Variants in RASGRF1 observed in about 807,000 individuals in gnomAD.
RASGRF1 encodes the protein Ras protein specific guanine nucleotide releasing factor 1, also known as ras-specific guanine nucleotide-releasing factor 1.
In RASGRF1, 40 loss-of-function variants were observed where a neutral mutation model predicts 138.7. The observed-to-expected ratio is 0.29, with a 90% CI of 0.22 to 0.38. RASGRF1 has a LOEUF of 0.38. RASGRF1 is among the 10% of genes least tolerant of loss of function. The pLI, the probability that RASGRF1 is intolerant of heterozygous loss-of-function variation, is 1.00. For synonymous variants in RASGRF1, 614 were observed against 663.2 expected (o/e 0.93, Z 1.14); for missense variants, 1,108 against 1,650.4 (o/e 0.67, Z 5.69).
At chr15:79,051,836 A>G (rs2057435545) in intron 3 of RASGRF1, among the ~76,000 whole-genome samples, 1 of 152,198 alleles carries the variant, frequency 6.6e-6, no homozygotes, top group South Asian at 2.1e-4. Flanking sequence ...GGGGACTGCA[A>G]AAGTCTTGAA....
intron 1 of RASGRF1, among the ~76,000 whole-genome samples, chr15:79,087,582 G>A (rs1457310768): frequency 1.3e-5 from 2 of 152,194 alleles, no homozygotes; most frequent in Admixed American, 1.3e-4. Flanking sequence ...CCAGCAGATT[G>A]AGCCAAAGCT....
Position 79,031,514 on chromosome 15 carries a change from G to C in RASGRF1, c.1153-5C>G. 6.2e-7 allele frequency: 1 copy of C among 1,601,572 alleles called. No individual in the cohort carries two copies. Among genetic ancestry groups the C allele is most frequent in the South Asian group, 1.1e-5 (1 of 90,110 alleles). On this transcript the variant is annotated splice_region_variant and splice_polypyrimidine_tract_variant and intron_variant, in intron 7 of 26. Coordinates refer to ENST00000558480, the MANE Select transcript of RASGRF1 (RefSeq NM_001145648.3). ...GGTCAGGATGTACCTGGGGATCTGC[G>C]GGCAGGTGGGAGAGGTGAGGGTGGA...
In RASGRF1 at chr15:79,046,964, C is replaced by T; in HGVS notation, c.660G>A (p.Arg220=). The T allele has an allele frequency of 6.2e-7, 1 of 1,613,642 alleles. No individual in the cohort carries two copies. The highest frequency in any genetic ancestry group is 8.5e-7 in the Non-Finnish European group (1 of 1,179,874). Residue 220 remains arginine, a synonymous_variant, in exon 5 of 27, where the codon CGG becomes CGA. Transcript: ENST00000558480. This position sits in a 1 kb window ranked among gnomAD's most constrained non-coding sequence, Gnocchi z 5.3. ...QSFLRGWLCR[R]KWKTIIQDYI... Reference sequence around the variant, plus strand: ...AGTCCTGGATGATGGTCTTCCACTTCCGCCGGCACAGCCAGCCCCGCAGGA... The same window carrying T: ...AGTCCTGGATGATGGTCTTCCACTTTCGCCGGCACAGCCAGCCCCGCAGGA...
At chr15:79,038,982 T>C (rs575052658) in intron 5 of RASGRF1, among the ~76,000 whole-genome samples, 1 of 152,280 alleles carries the variant, frequency 6.6e-6, no homozygotes, top group East Asian at 1.9e-4. Context: ...GATTAACCAA[T>C]TAATCAAATA....
At chr15:78,969,575 A>C (rs575231037) in intron 26 of RASGRF1, among the ~76,000 whole-genome samples, 14 of 152,290 alleles carry the variant, frequency 9.2e-5, no homozygotes, top group African/African-American at 2.9e-4. Context: ...AGGCTGAGGC[A>C]GGAGAATTGC....
chr15:79,035,711 A>G (rs931715088), intron 5 of RASGRF1, among the ~76,000 whole-genome samples: 1 of 152,204 alleles, frequency 6.6e-6, no homozygotes, highest in Admixed American at 6.5e-5. Flanking sequence ...CGGCTGTGAG[A>G]CCATGAATAA....
intron 10 of RASGRF1, among the ~76,000 whole-genome samples, chr15:79,024,064 CACACACATAT>C (rs1395394880): frequency 1.3e-5 from 2 of 150,990 alleles, no homozygotes; most frequent in Admixed American, 1.3e-4. Flanking sequence ...CATACACATA[CACACACATAT>C]ACACACCACA....
At position 79,031,483 on chromosome 15, in the gene RASGRF1, A is replaced by G. The variant is rs2057135700; in HGVS notation, c.1179T>C (p.His393=). 6.2e-7 allele frequency: 1 copy of G among 1,609,814 alleles called. No individual in the cohort carries two copies. Among genetic ancestry groups the G allele is most frequent in the South Asian group, 1.1e-5 (1 of 90,318 alleles). Residue 393 remains histidine (H), a synonymous_variant, in exon 8 of 27, where the codon CAT becomes CAC. Transcript: ENST00000558480. ...FQIPRYILTL[H]ELLAHTPHEH... Reference sequence around the variant, plus strand: ...CATGAGGCGTGTGGGCCAGGAGCTCATGGAGGGTCAGGATGTACCTGGGGA... The same window carrying G: ...CATGAGGCGTGTGGGCCAGGAGCTCGTGGAGGGTCAGGATGTACCTGGGGA...
In RASGRF1 at chr15:79,035,150, G is replaced by C; in HGVS notation, c.939C>G (p.Ser313Arg). 6.2e-7 allele frequency: 1 copy of C among 1,613,626 alleles called. No individual in the cohort carries two copies. The highest frequency in any genetic ancestry group is 1.1e-5 in the South Asian group (1 of 90,986). The change falls in exon 6 of 27, where the codon AGC becomes AGG. Residue 313 changes from serine to arginine, a missense_variant. By Grantham distance (110) the Ser-to-Arg change is moderately radical (BLOSUM62 -1). This residue lies in a region of RASGRF1 where 169 missense variants were observed against 344.2 expected (regional missense o/e 0.49). Coordinates refer to ENST00000558480, the MANE Select transcript of RASGRF1 (RefSeq NM_001145648.3). ...FYQGLKARIS[S>R]WPTLVLADLF... ...ACTCACCCAGGACCAGCGTGGGCCAGCTGGAGATGCGGGCCTTCAGGCCTT... is the reference window on the plus strand; with the variant it reads ...ACTCACCCAGGACCAGCGTGGGCCACCTGGAGATGCGGGCCTTCAGGCCTT...
At chr15:79,010,033 T>A (rs1273558551) in intron 13 of RASGRF1, among the ~76,000 whole-genome samples, 3 of 130,258 alleles carry the variant, frequency 2.3e-5, no homozygotes, top group African/African-American at 8.7e-5. Flanking sequence ...TCTTTGTTTG[T>A]TTTTTTTTTT....
intron 5 of RASGRF1, among the ~76,000 whole-genome samples, chr15:79,037,398 T>C (rs2057237011): frequency 1.3e-5 from 2 of 151,964 alleles, no homozygotes; most frequent in South Asian, 4.1e-4. Flanking sequence ...GGTGGGGAGA[T>C]GGTTTCAGGA....
intron 3 of RASGRF1, 43 bp downstream of exon 3, chr15:79,058,291 T>A: frequency 1.3e-6 from 2 of 1,591,066 alleles, no homozygotes; most frequent in Non-Finnish European, 1.7e-6. Context: ...GGGTTTGAGA[T>A]GTTGTGCCTA....
chr15:79,049,595 C>G lies in RASGRF1; in HGVS notation c.532-7G>C. 2 of 1,610,788 alleles carry G rather than the reference C, an allele frequency of 1.2e-6. No homozygotes were observed. Among genetic ancestry groups the G allele is most frequent in the Non-Finnish European group, 1.7e-6 (2 of 1,178,404 alleles). ...CCTTGAGCAGGGATGTGATCTGCAA[C>G]AGCAACACAGGTCAGCCTGTGAGGG... On this transcript the variant is annotated splice_polypyrimidine_tract_variant and splice_region_variant and intron_variant, in intron 3 of 26. Coordinates refer to ENST00000558480, the MANE Select transcript of RASGRF1 (RefSeq NM_001145648.3).
intron 26 of RASGRF1, among the ~76,000 whole-genome samples, chr15:78,969,043 C>T (rs1007666697): frequency 3.3e-5 from 5 of 152,168 alleles, no homozygotes; most frequent in African/African-American, 7.2e-5. Flanking sequence ...GTTGTATTTG[C>T]AGTTGAGTTC....
In RASGRF1 at chr15:79,025,325, G is replaced by A; in HGVS notation, c.1531C>T (p.His511Tyr). The part of the protein sequence containing the change: ...ICTRGSGGKL[H>Y]LTKNGVISLI... ...CCCGTAGCCCTTACCTTGGTCAAGT[G>A]AAGCTTCCCTCCAGAGCCTCTGGTA... The change falls in exon 10 of 27, where the codon CAC becomes TAC. Residue 511 changes from histidine to tyrosine, a missense_variant. Physicochemically the swap from His to Tyr is moderately conservative, Grantham distance 83. Around this residue, in one of 3 missense-constraint regions of RASGRF1, gnomAD observed 686 missense variants for 976.7 expected, o/e 0.70. Coordinates refer to ENST00000558480, the MANE Select transcript of RASGRF1 (RefSeq NM_001145648.3). The A allele has an allele frequency of 6.2e-7, 1 of 1,609,546 alleles. No individual in the cohort carries two copies. Among genetic ancestry groups the A allele is most frequent in the East Asian group, 2.2e-5 (1 of 44,734 alleles).
chr15:79,072,915 C>T (rs1045509702), intron 1 of RASGRF1, among the ~76,000 whole-genome samples: 14 of 152,306 alleles, frequency 9.2e-5, no homozygotes, highest in African/African-American at 3.4e-4. Flanking sequence ...TCACAACACA[C>T]GAGCCTCAGT....
chr15:79,081,586 C>CA (rs1271772729), intron 1 of RASGRF1, among the ~76,000 whole-genome samples: 2 of 152,162 alleles, frequency 1.3e-5, no homozygotes, highest in African/African-American at 4.8e-5. Flanking sequence ...TGCCCCTAAT[C>CA]ACCCCCCACA....
rs1351724662 is a variant in RASGRF1 at position 78,972,362 on chromosome 15, TG to T, written c.3613-429del. ...CCACCCGCCTCAGCTCCCAAAGTGC[TG>T]GGATTATAGGTGTGAGCGACCACAC... On this transcript the variant is annotated intron_variant, in intron 25 of 26. Coordinates refer to ENST00000558480, the MANE Select transcript of RASGRF1 (RefSeq NM_001145648.3). Among the ~76,000 whole-genome samples, 3 of 152,182 alleles carry T rather than the reference TG, an allele frequency of 2.0e-5. No homozygotes were observed. In the East Asian group the frequency reaches 5.8e-4, roughly 29 times the overall value.
chr15:78,991,542 T>A lies in RASGRF1; in HGVS notation c.3131+149A>T, dbSNP rs542425178. The A allele has an allele frequency of 8.8e-5, 54 of 616,364 alleles. No individual in the cohort carries two copies. In the African/African-American group the frequency reaches 9.0e-4, roughly 10 times the overall value. The allele number at this position is 616,364 out of a possible 1,614,324, so 38.2% of individuals were successfully genotyped here. A position where few individuals can be genotyped will look rare whatever the true frequency, so the allele number is the denominator to read the frequency against. On this transcript the variant is annotated intron_variant, in intron 21 of 26. Coordinates refer to ENST00000558480, the MANE Select transcript of RASGRF1 (RefSeq NM_001145648.3). Reference sequence around the variant, plus strand: ...GTGGGCAGGAACGGGAACAGGCTTCTCTCCCTCATTCTGCTGACCCAGGCA... The same window carrying A: ...GTGGGCAGGAACGGGAACAGGCTTCACTCCCTCATTCTGCTGACCCAGGCA...
Sources: allele counts gnomAD v4.1 joint callset (sites outside exome capture counted in the v4.1 genomes callset), GRCh38; gene constraint gnomAD v4.1.1; regional missense constraint gnomAD v4.1.1; non-coding constraint Gnocchi (gnomAD v3.1); transcripts MANE v1.5; gene names NCBI Gene and HGNC (gene_info 2026-07-23, HGNC 2026-07-21).